Variants in NEXMIF observed in about 807,000 individuals in gnomAD.
The protein encoded by NEXMIF is XLMR protein related to neurite extension.
In NEXMIF, 8 loss-of-function variants were observed where a neutral mutation model predicts 62.1. The ratio of observed to expected loss-of-function variants is 0.13; its 90% CI spans 0.08 to 0.23. The LOEUF is 0.23. Ranked by LOEUF, NEXMIF falls within the 10% of genes least tolerant of loss-of-function variation. The probability of loss-of-function intolerance (pLI) is 1.00; values close to 1 mark genes in which losing one functional copy is unlikely to be tolerated. For missense variants in NEXMIF, 976 were observed against 1,113.3 expected (o/e 0.88, Z 1.75); for synonymous variants, 404 against 416.6 (o/e 0.97, Z 0.37).
intron 1 of NEXMIF, among the ~76,000 whole-genome samples, chrX:74,923,059 G>GA (rs1218304086): frequency 9.0e-6 from 1 of 111,678 alleles, no homozygotes; most frequent in Admixed American, 9.5e-5. Flanking sequence ...TGAAATATTG[G>GA]AAAGTATTTC....
chrX:74,845,115 C>T (rs2080487580), intron 1 of NEXMIF, among the ~76,000 whole-genome samples: 1 of 111,642 alleles, frequency 9.0e-6, no homozygotes, highest in East Asian at 2.8e-4. Flanking sequence ...GAAACAGAAG[C>T]CCTGAATTAG....
At position 74,737,897 on chromosome X, in the gene NEXMIF, A is replaced by G. The variant is rs1395139943; in HGVS notation, c.*1508T>C. On this transcript the variant is annotated 3_prime_UTR_variant, in exon 4 of 4. Coordinates refer to ENST00000055682, the MANE Select transcript of NEXMIF (RefSeq NM_001008537.3). ...AATATTAATAAGAATAGTAACAACG[A>G]CAACAACTAACAATATTAATAATAT... is the stretch of plus-strand genomic sequence containing the variant. The G allele has an allele frequency of 9.0e-6, 1 of 111,441 alleles. No individual in the cohort carries two copies. The highest frequency in any genetic ancestry group is 3.3e-5 in the African/African-American group (1 of 30,567). 9.2% of individuals were successfully genotyped at this position (111,441 alleles called of 1,213,427 possible).
intron 1 of NEXMIF, among the ~76,000 whole-genome samples, chrX:74,791,375 T>G (rs2080282010): frequency 9.0e-6 from 1 of 111,626 alleles, no homozygotes; most frequent in Non-Finnish European, 1.9e-5. Flanking sequence ...TGGATTCGGT[T>G]TGCCAGTATT....
chrX:74,910,428 G>C (rs909286031), intron 1 of NEXMIF, among the ~76,000 whole-genome samples: 1 of 112,139 alleles, frequency 8.9e-6, no homozygotes, highest in Non-Finnish European at 1.9e-5. Context: ...TTGGACAGAT[G>C]TATTTACCCA....
chrX:74,793,474 G>T (rs1043688986), intron 1 of NEXMIF, among the ~76,000 whole-genome samples: 2 of 110,392 alleles, frequency 1.8e-5, no homozygotes, highest in Non-Finnish European at 3.8e-5. Context: ...TCTTCTCGAG[G>T]AGTATCTCTG....
At chrX:74,796,161 A>T (rs1302551593) in intron 1 of NEXMIF, among the ~76,000 whole-genome samples, 1 of 46,139 alleles carries the variant, frequency 2.2e-5, no homozygotes, top group East Asian at 4.2e-4. Context: ...ATACATATAT[A>T]TTATATATAT....
chrX:74,760,620 C>G (rs767158871), intron 1 of NEXMIF, among the ~76,000 whole-genome samples: 77 of 111,156 alleles, frequency 6.9e-4, no homozygotes, highest in African/African-American at 2.4e-3. Context: ...TTTAACAAAG[C>G]CTTTTCTGCA....
At chrX:74,833,830 C>T (rs1056258040) in intron 1 of NEXMIF, among the ~76,000 whole-genome samples, 2 of 111,167 alleles carry the variant, frequency 1.8e-5, no homozygotes, top group African/African-American at 3.3e-5. Context: ...ACACTGATTA[C>T]GTAAACAAAC....
Position 74,742,156 on chromosome X carries a change from C to T in NEXMIF, c.2401G>A (p.Ala801Thr). The change falls in exon 3 of 4, where the codon GCT becomes ACT. Residue 801 changes from alanine (A) to threonine (T), a missense_variant. This residue lies in a region of NEXMIF where 639 missense variants were observed against 694.5 expected (regional missense o/e 0.92). Transcript: ENST00000055682. ...TCSSEMPLSS[A>T]NVTTNIPVIP... ...ACAGGTATATTAGTGGTAACATTAG[C>T]AGATGATAAAGGCATTTCAGAAGAG... 8.3e-7 allele frequency: 1 copy of T among 1,211,459 alleles called. No individual in the cohort carries two copies. The highest frequency in any genetic ancestry group is 1.1e-6 in the Non-Finnish European group (1 of 895,286).
intron 1 of NEXMIF, among the ~76,000 whole-genome samples, chrX:74,760,841 GATTTATTTATTTATTTATTTATTT>G (rs74679235): frequency 4.5e-5 from 4 of 89,445 alleles, no homozygotes; most frequent in African/African-American, 1.2e-4. Flanking sequence ...TTGGCCCTAA[GATTTATTTATTTATTTATTTATTT>G]ATTTATTTAT....
At position 74,759,225 on chromosome X, in the gene NEXMIF, T is replaced by G. The variant is rs2080168621; in HGVS notation, c.-47-13528A>C. On this transcript the variant is annotated intron_variant, in intron 1 of 3. Transcript: ENST00000055682. ...CTGTTCATGTCCTTTGCCCACTTTT[T>G]AATGGGGTTGTTTGTTTTTTCTTGT... 4.4e-5 allele frequency among the ~76,000 whole-genome samples: 5 copies of G among 112,502 alleles called. No individual in the cohort carries two copies. In the South Asian group the frequency reaches 1.8e-3, roughly 41 times the overall value.
intron 1 of NEXMIF, among the ~76,000 whole-genome samples, chrX:74,796,231 T>TATATATACATATATA (rs1569345247): frequency 7.5e-5 from 4 of 53,303 alleles, no homozygotes; most frequent in Non-Finnish European, 9.5e-5. Flanking sequence ...ACATATATAA[T>TATATATACATATATA]ATATATATAT....
chrX:74,745,556 A>G lies in NEXMIF; in HGVS notation c.79+16T>C, dbSNP rs773918575. On this transcript the variant is annotated intron_variant, in intron 2 of 3. Coordinates refer to ENST00000055682, the MANE Select transcript of NEXMIF (RefSeq NM_001008537.3). ...ACCAGGAGAGATATTAATATACTAT[A>G]ATTAAATTCCCTTACCATTTTCTTT... The G allele has an allele frequency of 1.8e-6, 2 of 1,112,218 alleles. No homozygotes were observed. Among genetic ancestry groups the G allele is most frequent in the Non-Finnish European group, 2.5e-6 (2 of 805,190 alleles). 91.7% of individuals were successfully genotyped at this position (1,112,218 alleles called of 1,213,427 possible).
At chrX:74,782,042 T>C (rs1015874957) in intron 1 of NEXMIF, among the ~76,000 whole-genome samples, 9 of 111,944 alleles carry the variant, frequency 8.0e-5, no homozygotes, top group African/African-American at 2.9e-4. Context: ...GGCTGGATGG[T>C]AGGCAAGAAC....
At chrX:74,764,766 T>G (rs2080189598) in intron 1 of NEXMIF, among the ~76,000 whole-genome samples, 1 of 111,983 alleles carries the variant, frequency 8.9e-6, no homozygotes. Flanking sequence ...TTGCTATCTT[T>G]GTTGTGCTGT....
chrX:74,743,056 C>G lies in NEXMIF; in HGVS notation c.1501G>C (p.Gly501Arg). 1 of 1,209,970 alleles carries G rather than the reference C, an allele frequency of 8.3e-7. No individual in the cohort carries two copies. The highest frequency in any genetic ancestry group is 1.7e-5 in the African/African-American group (1 of 57,690). The change falls in exon 3 of 4, where the codon GGT becomes CGT. Residue 501 changes from glycine (G) to arginine (R), a missense_variant. Physicochemically the swap from Gly to Arg is moderately radical, Grantham distance 125. Coordinates refer to ENST00000055682, the MANE Select transcript of NEXMIF (RefSeq NM_001008537.3). ...TCCTTCCTCTCATTTACTTTTTCACCCTCTAGTGAGTCAACATCATATAGA... is the reference window on the plus strand; with the variant it reads ...TCCTTCCTCTCATTTACTTTTTCACGCTCTAGTGAGTCAACATCATATAGA... ...DYLYDVDSLE[G>R]EKVNERKEWL...
chrX:74,888,042 A>C (rs1309057305), intron 1 of NEXMIF, among the ~76,000 whole-genome samples: 1 of 110,307 alleles, frequency 9.1e-6, no homozygotes, highest in Non-Finnish European at 1.9e-5. Flanking sequence ...CACAAGGACA[A>C]AAAACCAAAC....
chrX:74,778,922 C>T (rs779139194), intron 1 of NEXMIF, among the ~76,000 whole-genome samples: 70 of 111,832 alleles, frequency 6.3e-4, no homozygotes, highest in Admixed American at 2.1e-3. Flanking sequence ...CCACTGTGCC[C>T]GGCTGATCTC....
intron 1 of NEXMIF, among the ~76,000 whole-genome samples, chrX:74,815,378 C>T (rs901458496): frequency 3.6e-5 from 4 of 111,386 alleles, no homozygotes; most frequent in African/African-American, 1.3e-4. Flanking sequence ...ATCTCTCTTG[C>T]ATCTTTTTAT....
Sources: gnomAD v4.1 joint callset for allele counts (sites outside exome capture counted in the v4.1 genomes callset) on GRCh38, gnomAD v4.1.1 for gene constraint, gnomAD v4.1.1 regional missense constraint, MANE v1.5 for transcripts, NCBI Gene and HGNC (gene_info 2026-07-23, HGNC 2026-07-21) for gene names.